Variants in PGCKA1 observed in about 807,000 individuals in gnomAD.
The protein encoded by PGCKA1 is PDCD10 and GCKIII kinases-associated protein 1.
the PGCKA1 span, among the ~76,000 whole-genome samples, chr4:37,490,083 T>C: frequency 6.6e-6 from 1 of 152,160 alleles, no homozygotes; most frequent in Admixed American, 6.5e-5. Flanking sequence ...TTCTTGTGAA[T>C]CAAATTATAT....
the PGCKA1 span, among the ~76,000 whole-genome samples, chr4:37,583,503 C>G: frequency 2.6e-5 from 4 of 151,258 alleles, no homozygotes. Flanking sequence ...GTGGTGCGAT[C>G]TCGGCTCACT....
the PGCKA1 span, among the ~76,000 whole-genome samples, chr4:37,539,311 C>T: frequency 6.6e-6 from 1 of 152,120 alleles, no homozygotes; most frequent in Admixed American, 6.6e-5. Context: ...TCCTGTGGTT[C>T]TCCTGTTCAG....
the PGCKA1 span, chr4:37,453,867 G>T: frequency 6.6e-6 from 1 of 152,250 alleles, no homozygotes; most frequent in Non-Finnish European, 1.5e-5. Flanking sequence ...CTCACCCGCA[G>T]CCCGGGCCAC....
chr4:37,554,079 C>T, the PGCKA1 span, among the ~76,000 whole-genome samples: 7 of 152,084 alleles, frequency 4.6e-5, no homozygotes, highest in African/African-American at 7.2e-5. Context: ...GGGTTTTTCC[C>T]GTGGTATTCT....
At chr4:37,543,726 C>T in the PGCKA1 span, among the ~76,000 whole-genome samples, 6 of 151,208 alleles carry the variant, frequency 4.0e-5, no homozygotes, top group South Asian at 2.1e-4. Flanking sequence ...CCCAGCTACT[C>T]GGGAGGCTGA....
chr4:37,523,565 C>T, the PGCKA1 span, among the ~76,000 whole-genome samples: 10,085 of 152,154 alleles, frequency 0.066, 590 homozygotes, highest in South Asian at 0.24. Flanking sequence ...CATCTTGCTC[C>T]ACCTCCAGTT....
chr4:37,555,601 G>A, the PGCKA1 span, among the ~76,000 whole-genome samples: 1 of 152,182 alleles, frequency 6.6e-6, no homozygotes, highest in Admixed American at 6.5e-5. Context: ...GACAAAGGGT[G>A]TGGCTCGAGA....
At chr4:37,561,420 G>T in the PGCKA1 span, among the ~76,000 whole-genome samples, 2 of 152,346 alleles carry the variant, frequency 1.3e-5, no homozygotes, top group South Asian at 4.1e-4. Context: ...ATATGAGGTG[G>T]AATAACAGGG....
At chr4:37,539,992 T>A in the PGCKA1 span, among the ~76,000 whole-genome samples, 6 of 152,122 alleles carry the variant, frequency 3.9e-5, no homozygotes, top group Admixed American at 2.0e-4. Context: ...TACACCTTAC[T>A]GTTACTAAAT....
the PGCKA1 span, among the ~76,000 whole-genome samples, chr4:37,471,287 T>C: frequency 6.6e-6 from 1 of 152,204 alleles, no homozygotes; most frequent in African/African-American, 2.4e-5. Context: ...GTCTGGTCAG[T>C]TGGCTGCATC....
At chr4:37,541,645 C>T in the PGCKA1 span, among the ~76,000 whole-genome samples, 1 of 152,192 alleles carries the variant, frequency 6.6e-6, no homozygotes, top group Non-Finnish European at 1.5e-5. Context: ...TATGTGTACA[C>T]CTCATGTGAA....
At chr4:37,559,698 A>T in the PGCKA1 span, among the ~76,000 whole-genome samples, 1 of 152,094 alleles carries the variant, frequency 6.6e-6, no homozygotes, top group South Asian at 2.1e-4. Context: ...TGATTCCAGT[A>T]TACTCTCCTG....
At chr4:37,470,535 T>A in the PGCKA1 span, among the ~76,000 whole-genome samples, 7 of 152,328 alleles carry the variant, frequency 4.6e-5, no homozygotes, top group Admixed American at 2.6e-4. Context: ...TCATTGGTGA[T>A]GGCTTTTCTT....
the PGCKA1 span, among the ~76,000 whole-genome samples, chr4:37,513,301 A>G: frequency 1.3e-5 from 2 of 152,206 alleles, no homozygotes; most frequent in African/African-American, 4.8e-5. Flanking sequence ...GTAGTCAGCT[A>G]GGGCTGCCAT....
the PGCKA1 span, chr4:37,589,029 G>C: frequency 4.5e-6 from 3 of 665,532 alleles, no homozygotes; most frequent in South Asian, 6.3e-5. Flanking sequence ...AACACATTAA[G>C]AGTTTGGAAT....
chr4:37,538,048 C>T, the PGCKA1 span, among the ~76,000 whole-genome samples: 1 of 148,438 alleles, frequency 6.7e-6, no homozygotes, highest in East Asian at 2.0e-4. Context: ...CCACCATCAT[C>T]ATTACCACCA....
At chr4:37,503,993 C>G in the PGCKA1 span, among the ~76,000 whole-genome samples, 7 of 152,080 alleles carry the variant, frequency 4.6e-5, no homozygotes, top group Non-Finnish European at 1.0e-4. Context: ...GCTTTGCTTG[C>G]CTGTGCTTCT....
At chr4:37,477,671 C>CTGCATT in the PGCKA1 span, among the ~76,000 whole-genome samples, 2 of 152,260 alleles carry the variant, frequency 1.3e-5, no homozygotes, top group East Asian at 3.9e-4. Context: ...CTGTTAATTA[C>CTGCATT]CCCATCACAG....
At chr4:37,493,414 T>C in the PGCKA1 span, among the ~76,000 whole-genome samples, 1 of 152,222 alleles carries the variant, frequency 6.6e-6, no homozygotes, top group African/African-American at 2.4e-5. Flanking sequence ...AGTTTTATGA[T>C]CACGTTAGGC....
Sources: gnomAD v4.1 joint callset for allele counts (sites outside exome capture counted in the v4.1 genomes callset) on GRCh38, gnomAD v4.1.1 for gene constraint, MANE v1.5 for transcripts, NCBI Gene and HGNC (gene_info 2026-07-23, HGNC 2026-07-21) for gene names.